Variants in ITPKA observed in about 807,000 individuals in gnomAD.
The protein encoded by ITPKA is IP3 3-kinase A.
Under a neutral mutation model 40.7 loss-of-function variants are expected in ITPKA, and 16 were observed. That is an observed-to-expected ratio of 0.39 (90% CI 0.27 to 0.60). The LOEUF (loss-of-function observed/expected upper bound fraction) is 0.60, where lower values mean the gene tolerates loss of function less well. Ranked by LOEUF, ITPKA falls within the 20% of genes least tolerant of loss-of-function variation. The pLI is 0.50. For synonymous variants in ITPKA, 313 were observed against 289.9 expected (o/e 1.08, Z -0.81); for missense variants, 540 against 649.3 (o/e 0.83, Z 1.83).
intron 1 of ITPKA, among the ~76,000 whole-genome samples, chr15:41,499,369 A>G (rs1226609613): frequency 6.6e-6 from 1 of 152,206 alleles, no homozygotes; most frequent in Admixed American, 6.5e-5. Context: ...AAGATGAGAA[A>G]GTGCCTGACA....
chr15:41,501,131 AAC>A (rs1192237434), intron 1 of ITPKA, among the ~76,000 whole-genome samples: 1 of 152,132 alleles, frequency 6.6e-6, no homozygotes, highest in Non-Finnish European at 1.5e-5. Context: ...CGATGTTCAC[AAC>A]AGTTCAAAAA....
In ITPKA at chr15:41,503,374, C is replaced by T; in HGVS notation, c.*208C>T. ...CCCCAGCGTTCCCAGAGCCAAATGACACTAACTTATAGAAGGGGAGGGGGC... is the reference window on the plus strand; with the variant it reads ...CCCCAGCGTTCCCAGAGCCAAATGATACTAACTTATAGAAGGGGAGGGGGC... On this transcript the variant is annotated 3_prime_UTR_variant, in exon 7 of 7. Transcript: ENST00000260386. 3.3e-6 allele frequency: 2 copies of T among 598,424 alleles called. No individual in the cohort carries two copies. Among genetic ancestry groups the T allele is most frequent in the South Asian group, 4.0e-5 (2 of 50,488 alleles). The allele number at this position is 598,424 out of a possible 1,614,324, so 37.1% of individuals were successfully genotyped here.
In ITPKA at chr15:41,503,133, C is replaced by T. The variant is rs778483913; in HGVS notation, c.1353C>T (p.Leu451=). The T allele has an allele frequency of 6.3e-6, 10 of 1,593,428 alleles. No individual in the cohort carries two copies. The Admixed American group carries it at 1.3e-4, about 21-fold the overall frequency. Residue 451 remains leucine, a synonymous_variant, in exon 7 of 7, where the codon CTC becomes CTT. Coordinates refer to ENST00000260386, the MANE Select transcript of ITPKA (RefSeq NM_002220.3). ...EDGYLLGLDN[L]IGILASLAER is the part of the protein sequence containing the mutation. ...GCTATTTGCTGGGGCTGGACAATCT[C>T]ATTGGCATCCTGGCCAGCCTGGCTG...
In ITPKA at chr15:41,501,806, A is replaced by G; in HGVS notation, c.758A>G (p.Asp253Gly). The change falls in exon 3 of 7, where the codon GAT becomes GGT. Residue 253 changes from aspartate to glycine, a missense_variant. Physicochemically the swap from Asp to Gly is moderately conservative, Grantham distance 94. Transcript: ENST00000260386. ...TACCTGCAGCTGCAGGACCTGCTCG[A>G]TGGCTTCGACGGACCTTGTGTGCTC... ...ESYLQLQDLL[D>G]GFDGPCVLDC... The G allele has an allele frequency of 6.2e-7, 1 of 1,613,408 alleles. No homozygotes were observed. Among genetic ancestry groups the G allele is most frequent in the Non-Finnish European group, 8.5e-7 (1 of 1,179,888 alleles).
At chr15:41,499,840 G>T (rs961054819) in intron 1 of ITPKA, among the ~76,000 whole-genome samples, 2 of 152,164 alleles carry the variant, frequency 1.3e-5, no homozygotes, top group African/African-American at 4.8e-5. Context: ...TTAGCTGGAG[G>T]CTAGAAGAGA....
chr15:41,501,227 T>C, intron 1 of ITPKA: 3 of 769,350 alleles, frequency 3.9e-6, no homozygotes, highest in Non-Finnish European at 4.7e-6. Context: ...AGATGCTAAG[T>C]CCAGGCTCTT....
intron 5 of ITPKA, 118 bp downstream of exon 5, chr15:41,502,621 G>A (rs1185296244): frequency 1.1e-6 from 1 of 918,796 alleles, no homozygotes; most frequent in Non-Finnish European, 1.7e-6. Flanking sequence ...GCGCTGGCTC[G>A]CAACTGCTCT....
chr15:41,502,693 G>T, intron 5 of ITPKA, 95 bp from the exon 6 acceptor site: 1 of 1,243,574 alleles, frequency 8.0e-7, no homozygotes, highest in Non-Finnish European at 1.1e-6. Context: ...GGCGGCATTT[G>T]CCAAGCACAG....
rs370205535 is a variant in ITPKA, at chr15:41,503,542, A to C, written c.*376A>C. The C allele has an allele frequency of 5.2e-6, 3 of 575,738 alleles. No individual in the cohort carries two copies. The allele number at this position is 575,738 out of a possible 1,614,324, so 35.7% of individuals were successfully genotyped here. ...CGGACTCCCCTTCCTAATAAAACTC[A>C]AAGACAAGATGCAGCTTCCTGTGCC... On this transcript the variant is annotated 3_prime_UTR_variant, in exon 7 of 7. Transcript: ENST00000260386.
chr15:41,494,123 G>C lies in ITPKA; in HGVS notation c.196G>C (p.Val66Leu). The C allele has an allele frequency of 7.0e-7, 1 of 1,430,804 alleles. No homozygotes were observed. Among genetic ancestry groups the C allele is most frequent in the Non-Finnish European group, 9.1e-7 (1 of 1,093,368 alleles). The allele number at this position is 1,430,804 out of a possible 1,614,324, so 88.6% of individuals were successfully genotyped here. ...CGGGGCCAAGCGGCGTGGGGGACAG[G>C]TCCCCAACGGGCTTCCGCGGGCTCC... ...ARGAKRRGGQ[V>L]PNGLPRAPPA... is the part of the protein sequence containing the mutation. The change falls in exon 1 of 7, where the codon GTC becomes CTC. Residue 66 changes from valine to leucine, a missense_variant. Coordinates refer to ENST00000260386, the MANE Select transcript of ITPKA (RefSeq NM_002220.3). This position sits in a 1 kb window ranked among gnomAD's most constrained non-coding sequence, Gnocchi z 7.8.
At chr15:41,496,538 C>T (rs2051073503) in intron 1 of ITPKA, among the ~76,000 whole-genome samples, 1 of 152,222 alleles carries the variant, frequency 6.6e-6, no homozygotes, top group African/African-American at 2.4e-5. Flanking sequence ...GGCCCACCCG[C>T]AAGGTCAGCT....
At position 41,494,091 on chromosome 15, in the gene ITPKA, G is replaced by A. The variant is rs974245350; in HGVS notation, c.164G>A (p.Arg55Gln). The change falls in exon 1 of 7, where the codon CGG (arginine) becomes CAG (glutamine). Residue 55 changes from arginine (R) to glutamine (Q), a missense_variant. By Grantham distance (43) the Arg-to-Gln change is conservative. Coordinates refer to ENST00000260386, the MANE Select transcript of ITPKA (RefSeq NM_002220.3). The surrounding 1 kb of genome is among the most constrained non-coding windows in gnomAD (Gnocchi z 7.8). ...VAAAAAAGEP[R>Q]ARGAKRRGGQ... ...GCGGCCGCCGCCGCGGGGGAGCCCC[G>A]GGCCCGCGGGGCCAAGCGGCGTGGG... The A allele has an allele frequency of 2.3e-5, 30 of 1,280,372 alleles. No individual in the cohort carries two copies. Among genetic ancestry groups the A allele is most frequent in the Non-Finnish European group, 2.9e-5 (29 of 1,015,688 alleles). 79.3% of individuals were successfully genotyped at this position (1,280,372 alleles called of 1,614,324 possible). A position where few individuals can be genotyped will look rare whatever the true frequency, so the allele number is the denominator to read the frequency against.
In ITPKA at chr15:41,494,970, G is replaced by A. The variant is rs561215013; in HGVS notation, c.489+554G>A. Among the ~76,000 whole-genome samples the A allele has an allele frequency of 4.0e-4, 61 of 152,326 alleles. 1 individual carries two copies. The East Asian group carries it at 0.011, about 27-fold the overall frequency. The stretch of plus-strand genomic sequence containing the variant: ...CAGGGGAGGGAGGGGCGTGGGCCTG[G>A]GAGCTCTGGCTGGGAGCGGAACGCA... On this transcript the variant is annotated intron_variant, in intron 1 of 6. Coordinates refer to ENST00000260386, the MANE Select transcript of ITPKA (RefSeq NM_002220.3). The surrounding 1 kb of genome is among the most constrained non-coding windows in gnomAD (Gnocchi z 7.8).
intron 1 of ITPKA, among the ~76,000 whole-genome samples, chr15:41,498,999 G>T (rs1400209471): frequency 1.3e-5 from 2 of 152,186 alleles, no homozygotes; most frequent in Non-Finnish European, 2.9e-5. Flanking sequence ...AAATGGGAAT[G>T]ATACCACTTC....
At position 41,494,214 on chromosome 15, in the gene ITPKA, C is replaced by G; in HGVS notation, c.287C>G (p.Pro96Arg). 1 of 1,533,386 alleles carries G rather than the reference C, an allele frequency of 6.5e-7. No homozygotes were observed. The highest frequency in any genetic ancestry group is 8.7e-7 in the Non-Finnish European group (1 of 1,147,050). 95.0% of individuals were successfully genotyped at this position (1,533,386 alleles called of 1,614,324 possible). The change falls in exon 1 of 7, where the codon CCT (proline) becomes CGT (arginine). Residue 96 changes from proline to arginine, a missense_variant. Physicochemically the swap from Pro to Arg is moderately radical, Grantham distance 103. Coordinates refer to ENST00000260386, the MANE Select transcript of ITPKA (RefSeq NM_002220.3). The surrounding 1 kb of genome is among the most constrained non-coding windows in gnomAD (Gnocchi z 7.8). ...GAGCCCGACGTGCCCCCGACCAGCCCTGGGCCGCCGGAGCGGGAGAGGGAC... is the reference window on the plus strand; with the variant it reads ...GAGCCCGACGTGCCCCCGACCAGCCGTGGGCCGCCGGAGCGGGAGAGGGAC... ...AEEPDVPPTSPGPPERERDCL... is the reference protein window; with the variant it reads ...AEEPDVPPTSRGPPERERDCL...
Position 41,494,254 on chromosome 15 carries a change from G to A in ITPKA, c.327G>A (p.Ala109=). The change falls in exon 1 of 7, where the codon GCG becomes GCA. Residue 109 remains alanine, a synonymous_variant. Transcript: ENST00000260386. The surrounding 1 kb of genome is among the most constrained non-coding windows in gnomAD (Gnocchi z 7.8). ...GGGAGAGGGACTGCCTCCCGGCAGCGGGCTCTTCGCACCTGCAGCAGCCGC... is the reference window on the plus strand; with the variant it reads ...GGGAGAGGGACTGCCTCCCGGCAGCAGGCTCTTCGCACCTGCAGCAGCCGC... ...PERERDCLPA[A]GSSHLQQPRR... is the part of the protein sequence containing the mutation. 1.3e-6 allele frequency: 2 copies of A among 1,546,080 alleles called. No homozygotes were observed. Among genetic ancestry groups the A allele is most frequent in the Non-Finnish European group, 1.7e-6 (2 of 1,154,010 alleles).
chr15:41,494,682 G>A lies in ITPKA; in HGVS notation c.489+266G>A, dbSNP rs2051057709. Among the ~76,000 whole-genome samples, 4 of 152,256 alleles carry A rather than the reference G, an allele frequency of 2.6e-5. No homozygotes were observed. In the South Asian group the frequency reaches 8.3e-4, roughly 31 times the overall value. On this transcript the variant is annotated intron_variant, in intron 1 of 6. Transcript: ENST00000260386. The surrounding 1 kb of genome is among the most constrained non-coding windows in gnomAD (Gnocchi z 7.8). ...CGAGGAGCAGGCGACCCGCCGCGGG[G>A]ACTGGGCGAAGCGGGGGTAGCGGAC...
chr15:41,494,056 G>T lies in ITPKA; in HGVS notation c.129G>T (p.Ala43=), dbSNP rs1189077232. 7 of 1,231,194 alleles carry T rather than the reference G, an allele frequency of 5.7e-6. 1 individual carries two copies. In the South Asian group the frequency reaches 1.4e-4, roughly 25 times the overall value. The allele number at this position is 1,231,194 out of a possible 1,614,324, so 76.3% of individuals were successfully genotyped here. Residue 43 remains alanine (A), a synonymous_variant, in exon 1 of 7, where the codon GCG becomes GCT. Coordinates refer to ENST00000260386, the MANE Select transcript of ITPKA (RefSeq NM_002220.3). The surrounding 1 kb of genome is among the most constrained non-coding windows in gnomAD (Gnocchi z 7.8). ...GCCTGCTCTTCGAGGCGCGCTGTGC[G>T]GCGGTCGCTGCGGCCGCCGCCGCGG... ...ELRLLFEARC[A]AVAAAAAAGE...
chr15:41,502,969 G>A lies in ITPKA; in HGVS notation c.1189G>A (p.Gly397Ser). ...GACGGTGCGGGGCTCGCAGGTGATC[G>A]GCAGCTCGCTCCTCTTTGTGCACGA... ...SEFFRRHEVI[G>S]SSLLFVHDHC... Residue 397 changes from glycine (G) to serine (S), a missense_variant, in exon 7 of 7, where the codon GGC becomes AGC. By Grantham distance (56) the Gly-to-Ser change is moderately conservative (BLOSUM62 0). Coordinates refer to ENST00000260386, the MANE Select transcript of ITPKA (RefSeq NM_002220.3). The A allele has an allele frequency of 1.3e-6, 2 of 1,599,156 alleles. No individual in the cohort carries two copies. The highest frequency in any genetic ancestry group is 1.7e-6 in the Non-Finnish European group (2 of 1,171,748).
Sources: allele counts gnomAD v4.1 joint callset (sites outside exome capture counted in the v4.1 genomes callset), GRCh38; gene constraint gnomAD v4.1.1; non-coding constraint Gnocchi (gnomAD v3.1); transcripts MANE v1.5; gene names NCBI Gene and HGNC (gene_info 2026-07-23, HGNC 2026-07-21).